HS3ST5: variants seen among roughly 807,000 people sequenced by gnomAD.
HS3ST5 encodes heparan sulfate glucosamine 3-O-sulfotransferase 5.
HS3ST5 carries 10 observed loss-of-function variants against 25.4 expected under a neutral mutation model. The ratio of observed to expected loss-of-function variants is 0.39; its 90% CI spans 0.24 to 0.67. The LOEUF is 0.67. Among genes scored for constraint, HS3ST5 ranks in the 30% least tolerant of loss-of-function variants. The pLI is 0.44. For synonymous variants in HS3ST5, 170 were observed against 162.4 expected, an observed-to-expected ratio of 1.05 and a Z score of -0.36; for missense variants, 324 against 420.7, an observed-to-expected ratio of 0.77 and a Z score of 2.01.
chr6:114,124,751 G>A (rs1403876645), intron 3 of HS3ST5, among the ~76,000 whole-genome samples: 2 of 151,856 alleles, frequency 1.3e-5, no homozygotes, highest in Non-Finnish European at 2.9e-5. Context: ...ATGAGACAAA[G>A]TAACTGAAAT....
intron 2 of HS3ST5, among the ~76,000 whole-genome samples, chr6:114,216,945 AG>A (rs1400173904): frequency 2.0e-5 from 3 of 152,122 alleles, no homozygotes; most frequent in Non-Finnish European, 2.9e-5. Context: ...TGCTGAAGCC[AG>A]CTGCTTTTTC....
At chr6:114,290,974 G>A (rs1774550558) in intron 1 of HS3ST5, among the ~76,000 whole-genome samples, 1 of 152,094 alleles carries the variant, frequency 6.6e-6, no homozygotes, top group African/African-American at 2.4e-5. Context: ...AACTGGGGCT[G>A]GGAACCTAAC....
intron 3 of HS3ST5, among the ~76,000 whole-genome samples, chr6:114,116,929 C>A (rs1485384953): frequency 6.6e-6 from 1 of 151,986 alleles, no homozygotes; most frequent in Non-Finnish European, 1.5e-5. Context: ...CGCTTCTTGG[C>A]AAAGGGTAGT....
chr6:114,128,363 C>T (rs1295572629), intron 3 of HS3ST5, among the ~76,000 whole-genome samples: 1 of 152,082 alleles, frequency 6.6e-6, no homozygotes, highest in African/African-American at 2.4e-5. Flanking sequence ...AAAAGTGAGG[C>T]AGAGGAACAT....
chr6:114,199,255 A>G (rs1400098734), intron 2 of HS3ST5, among the ~76,000 whole-genome samples: 1 of 152,226 alleles, frequency 6.6e-6, no homozygotes, highest in Non-Finnish European at 1.5e-5. Flanking sequence ...GACTGCAAAA[A>G]TGACTTAAGT....
intron 3 of HS3ST5, among the ~76,000 whole-genome samples, chr6:114,152,714 T>C (rs1471698628): frequency 1.3e-5 from 2 of 152,112 alleles, no homozygotes; most frequent in African/African-American, 2.4e-5. Context: ...GGACACATTT[T>C]CTCTTCCTGT....
intron 1 of HS3ST5, among the ~76,000 whole-genome samples, chr6:114,254,664 C>G (rs942540889): frequency 3.3e-5 from 5 of 152,072 alleles, no homozygotes; most frequent in African/African-American, 1.2e-4. Flanking sequence ...GCTGGGGAGG[C>G]CTCACAATCA....
chr6:114,278,008 A>T (rs1394886897), intron 1 of HS3ST5, among the ~76,000 whole-genome samples: 1 of 151,944 alleles, frequency 6.6e-6, no homozygotes, highest in African/African-American at 2.4e-5. Flanking sequence ...CTTACCTTTG[A>T]TGAAGGCCAC....
chr6:114,230,588 T>G (rs1269788226), intron 1 of HS3ST5, among the ~76,000 whole-genome samples: 1 of 138,502 alleles, frequency 7.2e-6, no homozygotes, highest in Non-Finnish European at 1.5e-5. Context: ...TGTAATTGCC[T>G]TAAGACTCTT....
At chr6:114,226,020 G>A (rs920719737) in intron 2 of HS3ST5, among the ~76,000 whole-genome samples, 4 of 151,856 alleles carry the variant, frequency 2.6e-5, no homozygotes, top group African/African-American at 9.7e-5. Flanking sequence ...TAATTACTTT[G>A]GATTCAGACA....
At chr6:114,122,332 T>C (rs1776832105) in intron 3 of HS3ST5, among the ~76,000 whole-genome samples, 1 of 152,178 alleles carries the variant, frequency 6.6e-6, no homozygotes, top group African/African-American at 2.4e-5. Context: ...TATCACACAA[T>C]TTAGTGAGAT....
At chr6:114,277,423 A>G (rs1773908771) in intron 1 of HS3ST5, among the ~76,000 whole-genome samples, 1 of 144,120 alleles carries the variant, frequency 6.9e-6, no homozygotes. Flanking sequence ...GGTTTTTGAC[A>G]TTACTTTTAA....
intron 2 of HS3ST5, among the ~76,000 whole-genome samples, chr6:114,221,340 TA>T (rs1782025788): frequency 6.6e-6 from 1 of 151,992 alleles, no homozygotes; most frequent in African/African-American, 2.4e-5. Flanking sequence ...ATATAGTACA[TA>T]AAAATATGTA....
chr6:114,129,276 G>C (rs992772213), intron 3 of HS3ST5, among the ~76,000 whole-genome samples: 5 of 57,606 alleles, frequency 8.7e-5, no homozygotes, highest in Non-Finnish European at 2.0e-4. Context: ...TTTTTTTTGA[G>C]ACGGAGTCTT....
At chr6:114,084,371 C>T in intron 3 of HS3ST5, 1 of 756,646 alleles carries the variant, frequency 1.3e-6, no homozygotes, top group South Asian at 1.3e-5. Flanking sequence ...GTCCATTCAC[C>T]CTGAAATTCC....
rs1015610271 is a variant in HS3ST5, at chr6:114,256,127, G to A, written c.-338-27349C>T. On this transcript the variant is annotated intron_variant, in intron 1 of 4. Transcript: ENST00000312719. The stretch of plus-strand genomic sequence containing the variant: ...ACAGTGGCCAGGTGCAGTGGCTCAC[G>A]CCTGTAATCCCAGCACTTTGGGAGG... Among the ~76,000 whole-genome samples, 7 of 151,966 alleles carry A rather than the reference G, an allele frequency of 4.6e-5. No individual in the cohort carries two copies. In the East Asian group the frequency reaches 5.8e-4, roughly 13 times the overall value.
intron 2 of HS3ST5, among the ~76,000 whole-genome samples, chr6:114,211,510 T>C (rs1209005027): frequency 6.6e-6 from 1 of 152,218 alleles, no homozygotes; most frequent in African/African-American, 2.4e-5. Context: ...AAACATTTTA[T>C]ATGATGGCTA....
intron 3 of HS3ST5, among the ~76,000 whole-genome samples, chr6:114,105,953 T>G (rs1775970773): frequency 6.6e-6 from 1 of 152,172 alleles, no homozygotes; most frequent in Non-Finnish European, 1.5e-5. Flanking sequence ...TGACTCCTTG[T>G]GGCATTAGTG....
intron 3 of HS3ST5, among the ~76,000 whole-genome samples, chr6:114,101,988 T>C (rs1163627692): frequency 1.3e-5 from 2 of 152,126 alleles, no homozygotes; most frequent in Non-Finnish European, 2.9e-5. Context: ...TTATAAGTAG[T>C]AGCTAAACAT....
Sources: gnomAD v4.1 joint callset for allele counts (sites outside exome capture counted in the v4.1 genomes callset) on GRCh38, gnomAD v4.1.1 for gene constraint, MANE v1.5 for transcripts, NCBI Gene and HGNC (gene_info 2026-07-23, HGNC 2026-07-21) for gene names.